Variants in MEIOB observed in about 807,000 individuals in gnomAD.
MEIOB encodes the protein meiosis specific with OB-fold.
Under a neutral mutation model 53.1 loss-of-function variants are expected in MEIOB, and 50 were observed. That is an observed-to-expected ratio of 0.94 (90% confidence interval 0.75 to 1.19). The LOEUF is 1.19. Ranked by LOEUF, MEIOB falls within the 50% of genes most tolerant of loss-of-function variation. The probability of loss-of-function intolerance (pLI) is 0.00; values close to 1 mark genes in which losing one functional copy is unlikely to be tolerated. For synonymous variants in MEIOB, 192 were observed against 182.5 expected, an observed-to-expected ratio of 1.05 and a Z score of -0.42; for missense variants, 551 against 550.8, an observed-to-expected ratio of 1.00 and a Z score of 0.00.
At chr16:1,861,825 G>A (rs914138255) in intron 4 of MEIOB, among the ~76,000 whole-genome samples, 160 bp downstream of exon 4, 11 of 152,120 alleles carry the variant, frequency 7.2e-5, no homozygotes, top group Admixed American at 2.0e-4. Flanking sequence ...ATGAGCCACC[G>A]TGCCCCACTG....
intron 9 of MEIOB, among the ~76,000 whole-genome samples, chr16:1,849,870 AT>A (rs1215917542): frequency 1.3e-5 from 2 of 152,330 alleles, no homozygotes; most frequent in East Asian, 3.9e-4. Flanking sequence ...AAAAAAAATG[AT>A]AAGTATGTGA....
intron 9 of MEIOB, among the ~76,000 whole-genome samples, chr16:1,846,923 G>A (rs1487322807): frequency 6.6e-6 from 1 of 150,636 alleles, no homozygotes; most frequent in South Asian, 2.1e-4. Flanking sequence ...TTGGGAGGGT[G>A]AGGCGGGCGG....
At chr16:1,853,174 G>T in intron 8 of MEIOB, 40 bp from the exon 9 acceptor site, 2 of 1,563,166 alleles carry the variant, frequency 1.3e-6, no homozygotes, top group Non-Finnish European at 1.7e-6. Context: ...TTACATGGGA[G>T]GATATAAATG....
Position 1,834,232 on chromosome 16 carries a change from C to T in MEIOB, c.*24G>A, listed in dbSNP as rs763243545. On this transcript the variant is annotated 3_prime_UTR_variant, in exon 14 of 14. Transcript: ENST00000325962. Reference sequence around the variant, plus strand: ...GGGAGTTAAAACTCTTATACTTTTCCAGAGTTCAAAATGATAGACCGTTTT... The same window carrying T: ...GGGAGTTAAAACTCTTATACTTTTCTAGAGTTCAAAATGATAGACCGTTTT... 1 of 1,275,536 alleles carries T rather than the reference C, an allele frequency of 7.8e-7. No homozygotes were observed. The highest frequency in any genetic ancestry group is 1.1e-6 in the Non-Finnish European group (1 of 883,352). 79.0% of individuals were successfully genotyped at this position (1,275,536 alleles called of 1,614,324 possible).
At chr16:1,860,305 TAGAAAC>T in intron 5 of MEIOB, 92 bp downstream of exon 5, 1 of 606,788 alleles carries the variant, frequency 1.6e-6, no homozygotes, top group Non-Finnish European at 2.7e-6. Flanking sequence ...TTTATTGAAA[TAGAAAC>T]AGAACACTTT....
rs1017986871 is a variant in MEIOB at position 1,857,477 on chromosome 16, T to C, written c.528+258A>G. ...AAGCAATGTATAAAAAGTTCTCCTA[T>C]AGTTAGCAGATCATTTACGAGCAGA... is the stretch of plus-strand genomic sequence containing the variant. On this transcript the variant is annotated intron_variant, in intron 6 of 13. Coordinates refer to ENST00000325962, the MANE Select transcript of MEIOB (RefSeq NM_001163560.3). Among the ~76,000 whole-genome samples the C allele has an allele frequency of 2.0e-5, 3 of 152,228 alleles. No individual in the cohort carries two copies. In the East Asian group the frequency reaches 5.8e-4, roughly 29 times the overall value.
chr16:1,849,143 G>A (rs940395791), intron 9 of MEIOB, among the ~76,000 whole-genome samples: 3 of 151,922 alleles, frequency 2.0e-5, no homozygotes, highest in African/African-American at 7.3e-5. Flanking sequence ...AAATTAGGCT[G>A]GGCACAGTGG....
chr16:1,871,336 C>T (rs1899738832), intron 1 of MEIOB, among the ~76,000 whole-genome samples: 1 of 127,356 alleles, frequency 7.9e-6, no homozygotes, highest in South Asian at 2.8e-4. Flanking sequence ...TCTCCTGCCT[C>T]AGCCTCCCGA....
In MEIOB at chr16:1,860,427, T is replaced by C. The variant is rs1450913464; in HGVS notation, c.308A>G (p.Glu103Gly). ...LIQRKEIEREEKFSPATPSNC... is the reference protein window; with the variant it reads ...LIQRKEIEREGKFSPATPSNC... ...CCTAGGAGTTGCAGGGCTGAATTTT[T>C]CTTCTCTTTCTATTTCCTTTCTTTG... is the stretch of plus-strand genomic sequence containing the variant. Residue 103 changes from glutamate (E) to glycine (G), a missense_variant, in exon 5 of 14, where the codon GAA (glutamate) becomes GGA (glycine). Transcript: ENST00000325962. The C allele has an allele frequency of 2.6e-6, 4 of 1,546,634 alleles. No individual in the cohort carries two copies. The Middle Eastern group carries it at 6.7e-4, about 259-fold the overall frequency.
chr16:1,848,725 G>C (rs1048781623), intron 9 of MEIOB, among the ~76,000 whole-genome samples: 3 of 151,816 alleles, frequency 2.0e-5, no homozygotes, highest in Non-Finnish European at 4.4e-5. Context: ...TGTATTTTTA[G>C]TAGAGATGAT....
intron 3 of MEIOB, among the ~76,000 whole-genome samples, chr16:1,864,137 G>A (rs1899525757): frequency 1.3e-5 from 2 of 152,136 alleles, no homozygotes; most frequent in African/African-American, 4.8e-5. Context: ...GAGTGACAGA[G>A]CAAGACCCTA....
chr16:1,868,869 TA>T (rs1166025790), intron 1 of MEIOB, among the ~76,000 whole-genome samples: 18 of 151,950 alleles, frequency 1.2e-4, no homozygotes, highest in African/African-American at 3.6e-4. Context: ...AATAAATAAA[TA>T]AAATAAAATA....
chr16:1,870,571 G>A (rs1028310350), intron 1 of MEIOB, among the ~76,000 whole-genome samples: 6 of 152,172 alleles, frequency 3.9e-5, no homozygotes, highest in African/African-American at 1.4e-4. Flanking sequence ...TCCTTAAATT[G>A]TGGATAACAT....
At chr16:1,860,545 C>A in intron 4 of MEIOB, 70 bp from the exon 5 acceptor site, 3 of 870,274 alleles carry the variant, frequency 3.4e-6, no homozygotes, top group Non-Finnish European at 5.5e-6. Flanking sequence ...TCCTAAATAA[C>A]ATCCTGTTTA....
chr16:1,846,325 A>G (rs1363036091), intron 9 of MEIOB, among the ~76,000 whole-genome samples: 3 of 152,048 alleles, frequency 2.0e-5, no homozygotes, highest in Non-Finnish European at 4.4e-5. Flanking sequence ...GCAGGTCCTC[A>G]CTGACAATAG....
intron 1 of MEIOB, among the ~76,000 whole-genome samples, chr16:1,869,874 T>G (rs1441953447): frequency 1.3e-5 from 1 of 77,800 alleles, no homozygotes; most frequent in Non-Finnish European, 2.8e-5. Context: ...GGAAAGGTAG[T>G]GATTTTTTTT....
intron 3 of MEIOB, among the ~76,000 whole-genome samples, chr16:1,865,354 C>T (rs1309349921): frequency 1.3e-5 from 2 of 151,592 alleles, no homozygotes; most frequent in African/African-American, 4.8e-5. Flanking sequence ...ATCGATTGAA[C>T]CCAGGAGGCA....
intron 12 of MEIOB, among the ~76,000 whole-genome samples, chr16:1,838,624 A>G (rs1462595904): frequency 6.6e-6 from 1 of 152,124 alleles, no homozygotes; most frequent in African/African-American, 2.4e-5. Flanking sequence ...ACTGATCAAC[A>G]TCTCCGACTT....
intron 2 of MEIOB, among the ~76,000 whole-genome samples, chr16:1,867,384 G>C (rs1424532301): frequency 1.3e-5 from 2 of 150,860 alleles, no homozygotes; most frequent in Non-Finnish European, 2.9e-5. Context: ...TATCATAAAA[G>C]CAGCATAATG....
Sources: allele counts gnomAD v4.1 joint callset (sites outside exome capture counted in the v4.1 genomes callset), GRCh38; gene constraint gnomAD v4.1.1; transcripts MANE v1.5; gene names NCBI Gene and HGNC (gene_info 2026-07-23, HGNC 2026-07-21).